The following TM2D1 variants were observed in gnomAD, a reference collection of about 807,000 sequenced individuals.
TM2D1 encodes the protein TM2 domain containing 1.
A neutral mutation model predicts 28.4 loss-of-function variants in TM2D1; 15 were observed. The observed-to-expected ratio is 0.53, with a 90% confidence interval of 0.35 to 0.81. The LOEUF (loss-of-function observed/expected upper bound fraction) is 0.81, where lower values mean the gene tolerates loss of function less well. TM2D1 is among the 40% of genes least tolerant of loss of function. TM2D1 has a pLI of 0.01. For missense variants in TM2D1, 236 were observed against 254.9 expected (o/e 0.93, Z 0.50); for synonymous variants, 93 against 96.2 (o/e 0.97, Z 0.20).
At chr1:61,703,782 G>C (rs1467948118) in intron 3 of TM2D1, among the ~76,000 whole-genome samples, 13 of 123,608 alleles carry the variant, frequency 1.1e-4, no homozygotes, top group African/African-American at 4.1e-4. Flanking sequence ...TTGAGATGGA[G>C]TTTCGCTCTT....
intron 6 of TM2D1, among the ~76,000 whole-genome samples, chr1:61,681,611 TC>T (rs1644244360): frequency 6.6e-6 from 1 of 152,238 alleles, no homozygotes; most frequent in Admixed American, 6.5e-5. Flanking sequence ...AGAATGAGAT[TC>T]CTCTTAAAAT....
chr1:61,706,372 AT>A (rs1156453537), intron 3 of TM2D1, among the ~76,000 whole-genome samples: 1 of 151,864 alleles, frequency 6.6e-6, no homozygotes, highest in Non-Finnish European at 1.5e-5. Flanking sequence ...TAACTTTTGT[AT>A]TTTTTGGTAG....
At chr1:61,700,108 G>T (rs766512804) in intron 4 of TM2D1, 1 of 1,452,640 alleles carries the variant, frequency 6.9e-7, no homozygotes, top group South Asian at 1.5e-5. Context: ...CAGAAAATTT[G>T]GGTTCAAATT....
intron 1 of TM2D1, 105 bp downstream of exon 1, chr1:61,724,852 A>AT (rs1644593489): frequency 1.6e-6 from 2 of 1,236,864 alleles, no homozygotes; most frequent in African/African-American, 3.0e-5. Context: ...AGATCAGATT[A>AT]TCGTTTTCAC....
At position 61,703,681 on chromosome 1, in the gene TM2D1, G is replaced by T. The variant is rs1644419258; in HGVS notation, c.348-2656C>A. Among the ~76,000 whole-genome samples, 8 of 138,988 alleles carry T rather than the reference G, an allele frequency of 5.8e-5. No homozygotes were observed. The South Asian group carries it at 1.8e-3, about 31-fold the overall frequency. 91.2% of individuals were successfully genotyped at this position (138,988 alleles called of 152,430 possible). A position where few individuals can be genotyped will look rare whatever the true frequency, so the allele number is the denominator to read the frequency against. ...GTGGGCCTTGGCCTCCCAAAGTGTT[G>T]GGACTACAGGTATGAGCCACTGCAC... On this transcript the variant is annotated intron_variant, in intron 3 of 6. Transcript: ENST00000606498.
At position 61,694,698 on chromosome 1, in the gene TM2D1, T is replaced by G; in HGVS notation, c.512A>C (p.Gln171Pro). 1 of 1,597,712 alleles carries G rather than the reference T, an allele frequency of 6.3e-7. No homozygotes were observed. Among genetic ancestry groups the G allele is most frequent in the Non-Finnish European group, 8.5e-7 (1 of 1,171,088 alleles). The part of the protein sequence containing the change: ...SLIDFILISM[Q>P]IVGPSDGSSY... Reference sequence around the variant, plus strand: ...TACATTCTAGATTGAGAAACTTACCTGCATTGAAATAAGAATGAAATCAAT... The same window carrying G: ...TACATTCTAGATTGAGAAACTTACCGGCATTGAAATAAGAATGAAATCAAT... Residue 171 changes from glutamine (Q) to proline (P), a missense_variant and splice_region_variant, in exon 5 of 7, where the codon CAG becomes CCG. This residue lies in a region of TM2D1 where 64 missense variants were observed against 73.1 expected (regional missense o/e 0.88). Transcript: ENST00000606498.
chr1:61,691,986 G>A (rs1297967163), intron 5 of TM2D1, among the ~76,000 whole-genome samples: 1 of 124,592 alleles, frequency 8.0e-6, no homozygotes, highest in African/African-American at 2.7e-5. Context: ...ACAAAATAAT[G>A]AGTGTCTTTA....
At chr1:61,691,823 G>A (rs895823052) in intron 5 of TM2D1, among the ~76,000 whole-genome samples, 5 of 149,430 alleles carry the variant, frequency 3.3e-5, no homozygotes, top group Admixed American at 6.7e-5. Context: ...GCTGAGGCAG[G>A]AGAAACGCTT....
chr1:61,687,533 T>C (rs1350438243), intron 5 of TM2D1, among the ~76,000 whole-genome samples: 1 of 152,112 alleles, frequency 6.6e-6, no homozygotes, highest in African/African-American at 2.4e-5. Flanking sequence ...TATACTTAGG[T>C]GGTATTCTAC....
chr1:61,687,857 A>G (rs1481339591), intron 5 of TM2D1, among the ~76,000 whole-genome samples: 2 of 152,256 alleles, frequency 1.3e-5, no homozygotes, highest in East Asian at 3.8e-4. Flanking sequence ...AAAAGGATTC[A>G]GCTGTCTGCA....
At position 61,721,625 on chromosome 1, in the gene TM2D1, AAAAC is replaced by A. The variant is rs200864392; in HGVS notation, c.238+2084_238+2087del. Among the ~76,000 whole-genome samples, 857 of 152,216 alleles carry A rather than the reference AAAAC, an allele frequency of 5.6e-3. 10 individuals carry two copies. Among genetic ancestry groups the A allele is most frequent in the African/African-American group, 0.019 (805 of 41,546 alleles). On this transcript the variant is annotated intron_variant, in intron 2 of 6. Transcript: ENST00000606498. ...ATAGTTCTTCATATACTCAGTGAAA[AAAAC>A]AAAGGAAAAATAATTTTGGCTGGAA...
chr1:61,719,578 C>T (rs1452059652), intron 2 of TM2D1, among the ~76,000 whole-genome samples: 2 of 151,950 alleles, frequency 1.3e-5, no homozygotes, highest in Non-Finnish European at 2.9e-5. Context: ...CTGCAACCTC[C>T]ACCTCCCGGG....
chr1:61,688,541 G>C (rs113440416), intron 5 of TM2D1, among the ~76,000 whole-genome samples: 133 of 152,318 alleles, frequency 8.7e-4, no homozygotes, highest in African/African-American at 3.1e-3. Flanking sequence ...TGGCCAACAT[G>C]GTGAAATCCC....
At chr1:61,712,163 A>G (rs1483854323) in intron 2 of TM2D1, among the ~76,000 whole-genome samples, 1 of 152,162 alleles carries the variant, frequency 6.6e-6, no homozygotes, top group African/African-American at 2.4e-5. Flanking sequence ...AGTACAGACC[A>G]GGGATACTCA....
At chr1:61,722,621 C>A (rs937234955) in intron 2 of TM2D1, among the ~76,000 whole-genome samples, 2 of 152,134 alleles carry the variant, frequency 1.3e-5, no homozygotes, top group African/African-American at 4.8e-5. Context: ...CCCGCCTTGG[C>A]CTCCCAAAGT....
At chr1:61,705,834 T>C (rs1644436512) in intron 3 of TM2D1, among the ~76,000 whole-genome samples, 1 of 152,040 alleles carries the variant, frequency 6.6e-6, no homozygotes, top group South Asian at 2.1e-4. Flanking sequence ...CCAGTGTAAA[T>C]AGGTGGGTGG....
intron 5 of TM2D1, among the ~76,000 whole-genome samples, chr1:61,686,160 A>G (rs1644283939): frequency 6.6e-6 from 1 of 152,256 alleles, no homozygotes; most frequent in African/African-American, 2.4e-5. Flanking sequence ...AATGAAGAAT[A>G]GAATAAGCTG....
In TM2D1 at chr1:61,683,555, G is replaced by C; in HGVS notation, c.514-9C>G. The C allele has an allele frequency of 1.5e-6, 2 of 1,303,108 alleles. No individual in the cohort carries two copies. Among genetic ancestry groups the C allele is most frequent in the Non-Finnish European group, 2.1e-6 (2 of 958,324 alleles). 80.7% of individuals were successfully genotyped at this position (1,303,108 alleles called of 1,614,324 possible). A position where few individuals can be genotyped will look rare whatever the true frequency, so the allele number is the denominator to read the frequency against. ...TCTGAAGGTCCAACAATCTAGAAGA[G>C]ACAAAATTTCAAAATTATTCATTTT... On this transcript the variant is annotated splice_polypyrimidine_tract_variant and intron_variant, in intron 5 of 6. Coordinates refer to ENST00000606498, the MANE Select transcript of TM2D1 (RefSeq NM_032027.3).
intron 3 of TM2D1, 35 bp from the exon 4 acceptor site, chr1:61,701,060 A>C (rs776077281): frequency 1.4e-5 from 21 of 1,527,234 alleles, no homozygotes; most frequent in Admixed American, 1.9e-5. Context: ...TCATATTTCC[A>C]ATGTGAACAT....
Sources: gnomAD v4.1 joint callset for allele counts (sites outside exome capture counted in the v4.1 genomes callset) on GRCh38, gnomAD v4.1.1 for gene constraint, gnomAD v4.1.1 regional missense constraint, MANE v1.5 for transcripts, NCBI Gene and HGNC (gene_info 2026-07-23, HGNC 2026-07-21) for gene names.